Variants in NR2C2 observed in about 807,000 individuals in gnomAD.
NR2C2 encodes the protein Nuclear hormone receptor TR4.
In NR2C2, 6 loss-of-function variants were observed where a neutral mutation model predicts 62.9. The ratio of observed to expected loss-of-function variants is 0.10; its 90% CI spans 0.05 to 0.19. NR2C2 has a LOEUF of 0.19. Ranked by LOEUF, NR2C2 falls within the 10% of genes least tolerant of loss-of-function variation. The pLI is 1.00. For synonymous variants in NR2C2, 272 were observed against 273.8 expected, an observed-to-expected ratio of 0.99 and a Z score of 0.07; for missense variants, 479 against 762.7, an observed-to-expected ratio of 0.63 and a Z score of 4.38.
intron 2 of NR2C2, among the ~76,000 whole-genome samples, chr3:15,008,224 T>G (rs78382142): frequency 0.012 from 1,866 of 151,816 alleles, 14 homozygotes; most frequent in Non-Finnish European, 0.018. Flanking sequence ...TTGTTTGTTT[T>G]TTTTTTTAAA....
chr3:15,012,470 C>T (rs1419323120), intron 2 of NR2C2, among the ~76,000 whole-genome samples: 2 of 152,162 alleles, frequency 1.3e-5, no homozygotes, highest in Non-Finnish European at 2.9e-5. Flanking sequence ...AGGTGATCCT[C>T]CCACCTCGGC....
intron 1 of NR2C2, among the ~76,000 whole-genome samples, chr3:14,967,281 T>C (rs528785938): frequency 1.3e-5 from 2 of 152,224 alleles, no homozygotes; most frequent in African/African-American, 4.8e-5. Context: ...GTTTGTCAAC[T>C]TGATTTTTTT....
intron 11 of NR2C2, 45 bp from the exon 12 acceptor site, chr3:15,037,955 T>C: frequency 6.4e-7 from 1 of 1,566,324 alleles, no homozygotes; most frequent in East Asian, 2.3e-5. Flanking sequence ...GCTGGTTTTA[T>C]TGTTCTTACC....
At chr3:14,960,624 GTAA>G (rs1466963083) in intron 1 of NR2C2, among the ~76,000 whole-genome samples, 2 of 152,088 alleles carry the variant, frequency 1.3e-5, no homozygotes, top group African/African-American at 2.4e-5. Flanking sequence ...CAATATTCCT[GTAA>G]TAATTCAAAT....
In NR2C2 at chr3:15,024,197, A is replaced by G; in HGVS notation, c.787A>G (p.Thr263Ala). ...TGAGGATGGTACAGTTCTCCTGGCC[A>G]CGGATTCTAAGGTGACGTTCTCTAC... is the stretch of plus-strand genomic sequence containing the variant. ...IREDGTVLLA[T>A]DSKAETSQGA... The change falls in exon 7 of 14, where the codon ACG becomes GCG. Residue 263 changes from threonine to alanine, a missense_variant. Physicochemically the swap from Thr to Ala is moderately conservative, Grantham distance 58. This residue lies in a region of NR2C2 where 151 missense variants were observed against 176.1 expected (regional missense o/e 0.86). Coordinates refer to ENST00000425241, the MANE Select transcript of NR2C2 (RefSeq NM_001291694.2). 2 of 1,608,010 alleles carry G rather than the reference A, an allele frequency of 1.2e-6. 1 individual carries two copies.
chr3:15,037,675 C>T (rs1315509102), intron 11 of NR2C2, among the ~76,000 whole-genome samples: 1 of 152,172 alleles, frequency 6.6e-6, no homozygotes, highest in Non-Finnish European at 1.5e-5. Context: ...AGCTGTGAGT[C>T]TTCAGAATAA....
intron 1 of NR2C2, among the ~76,000 whole-genome samples, chr3:14,953,718 A>G (rs1393387584): frequency 6.6e-6 from 1 of 152,020 alleles, no homozygotes; most frequent in African/African-American, 2.4e-5. Context: ...ACATAGTGAA[A>G]CCCCATCTCT....
chr3:15,000,151 G>T (rs1191416523), intron 1 of NR2C2, among the ~76,000 whole-genome samples: 1 of 151,858 alleles, frequency 6.6e-6, no homozygotes, highest in East Asian at 1.9e-4. Flanking sequence ...TGTACCTTTT[G>T]ACCTGACTTT....
rs751857118 is a variant in NR2C2 at position 15,023,234 on chromosome 3, A to G, written c.591A>G (p.Gln197=). 1 of 1,614,242 alleles carries G rather than the reference A, an allele frequency of 6.2e-7. No homozygotes were observed. Residue 197 remains glutamine, a synonymous_variant, in exon 6 of 14, where the codon CAA becomes CAG. Transcript: ENST00000425241. ...VQSERKPFDV[Q]REKPSNCAAS... ...GTGAACGGAAGCCCTTCGATGTGCA[A>G]CGGGAGAAACCAAGCAATTGTGCTG...
chr3:14,970,218 T>A (rs1395477303), intron 1 of NR2C2, among the ~76,000 whole-genome samples: 1 of 134,668 alleles, frequency 7.4e-6, no homozygotes, highest in African/African-American at 2.7e-5. Context: ...CCCCACTATT[T>A]CTAATTCTTG....
chr3:14,994,439 CTTTTTTT>C (rs4038325), intron 1 of NR2C2, among the ~76,000 whole-genome samples: 2 of 89,612 alleles, frequency 2.2e-5, no homozygotes, highest in East Asian at 3.3e-4. Context: ...TTTATTCATT[CTTTTTTT>C]TTTTTTTTTT....
At position 15,042,824 on chromosome 3, in the gene NR2C2, C is replaced by T. The variant is rs769951693; in HGVS notation, c.1617-10C>T. 6.2e-7 allele frequency: 1 copy of T among 1,612,434 alleles called. No individual in the cohort carries two copies. The highest frequency in any genetic ancestry group is 1.1e-5 in the South Asian group (1 of 90,788). On this transcript the variant is annotated splice_polypyrimidine_tract_variant and intron_variant, in intron 13 of 13. Coordinates refer to ENST00000425241, the MANE Select transcript of NR2C2 (RefSeq NM_001291694.2). ...ACAGTCTCCTTTTCTAATGACACTCCCTTTTATAGATTGGCCCGGATCCTC... is the reference window on the plus strand; with the variant it reads ...ACAGTCTCCTTTTCTAATGACACTCTCTTTTATAGATTGGCCCGGATCCTC...
At chr3:14,990,391 ATAT>A (rs2124827965) in intron 1 of NR2C2, among the ~76,000 whole-genome samples, 1 of 152,354 alleles carries the variant, frequency 6.6e-6, no homozygotes, top group South Asian at 2.1e-4. Context: ...GCAATTAGTC[ATAT>A]TATTAGACAA....
intron 2 of NR2C2, among the ~76,000 whole-genome samples, chr3:15,012,249 G>A (rs575173331): frequency 5.3e-5 from 8 of 150,708 alleles, no homozygotes; most frequent in Middle Eastern, 3.4e-3. Context: ...TTTTGGAGAC[G>A]GAGTTTCCCT....
intron 1 of NR2C2, among the ~76,000 whole-genome samples, chr3:14,949,756 G>GATTT (rs372339754): frequency 0.036 from 5,551 of 152,086 alleles, 349 homozygotes; most frequent in African/African-American, 0.12. Flanking sequence ...ATGTGAATAT[G>GATTT]ATTTATTTAT....
chr3:14,958,599 C>G (rs2039595492), intron 1 of NR2C2, among the ~76,000 whole-genome samples: 1 of 152,190 alleles, frequency 6.6e-6, no homozygotes, highest in African/African-American at 2.4e-5. Context: ...ATGCTTGGCT[C>G]CACCAGCCAA....
chr3:15,009,154 G>A (rs781057746), intron 2 of NR2C2, among the ~76,000 whole-genome samples: 4 of 152,136 alleles, frequency 2.6e-5, no homozygotes, highest in Middle Eastern at 3.2e-3. Flanking sequence ...CCTGGGAGGC[G>A]GAGGTTGCAG....
intron 12 of NR2C2, chr3:15,038,828 T>A: frequency 3.5e-6 from 1 of 289,764 alleles, no homozygotes; most frequent in Non-Finnish European, 6.4e-6. Context: ...TGATAGTTTT[T>A]AAAACTATGT....
chr3:14,965,828 T>A (rs1031362093), intron 1 of NR2C2, among the ~76,000 whole-genome samples: 4 of 151,958 alleles, frequency 2.6e-5, no homozygotes, highest in Admixed American at 6.6e-5. Context: ...TATGCCTGGC[T>A]AATTTTTTGT....
Sources: gnomAD v4.1 joint callset for allele counts (sites outside exome capture counted in the v4.1 genomes callset) on GRCh38, gnomAD v4.1.1 for gene constraint, gnomAD v4.1.1 regional missense constraint, MANE v1.5 for transcripts, NCBI Gene and HGNC (gene_info 2026-07-23, HGNC 2026-07-21) for gene names.